AFG3L2: variants seen among roughly 807,000 people sequenced by gnomAD.
The protein encoded by AFG3L2 is AFG3 like matrix AAA peptidase subunit 2.
In AFG3L2, 54 loss-of-function variants were observed where a neutral mutation model predicts 94.5. The observed-to-expected ratio is 0.57, with a 90% confidence interval of 0.46 to 0.72. The LOEUF (loss-of-function observed/expected upper bound fraction) is 0.72, where lower values mean the gene tolerates loss of function less well. Among genes scored for constraint, AFG3L2 ranks in the 30% least tolerant of loss-of-function variants. The pLI is 0.00. For synonymous variants in AFG3L2, 377 were observed against 365.5 expected, an observed-to-expected ratio of 1.03 and a Z score of -0.36; for missense variants, 754 against 994.9, an observed-to-expected ratio of 0.76 and a Z score of 3.26.
rs1907907851 is a variant in AFG3L2, at chr18:12,340,323, G to T, written c.1858C>A (p.Gln620Lys). Residue 620 changes from glutamine (Q) to lysine (K), a missense_variant, in exon 15 of 17, where the codon CAG becomes AAG. Transcript: ENST00000269143. ...PKEQYLYTKE[Q>K]LLDRMCMTLG... The stretch of plus-strand genomic sequence containing the variant: ...GTCATACACATCCTATCCAAGAGCT[G>T]CTCTTTGGTATAGAGGTATTGTTCT... 1 of 1,614,022 alleles carries T rather than the reference G, an allele frequency of 6.2e-7. No homozygotes were observed. The highest frequency in any genetic ancestry group is 8.5e-7 in the Non-Finnish European group (1 of 1,179,900).
intron 1 of AFG3L2, 90 bp from the exon 2 acceptor site, chr18:12,371,781 GTC>G (rs1444161629): frequency 3.8e-6 from 4 of 1,051,068 alleles, no homozygotes; most frequent in Non-Finnish European, 5.7e-6. Context: ...TAGATGAAAG[GTC>G]TCTCTCTTCC....
At position 12,371,685 on chromosome 18, in the gene AFG3L2, G is replaced by A. The variant is rs1324490374; in HGVS notation, c.121C>T (p.Arg41Ter). 25 of 1,613,320 alleles carry A rather than the reference G, an allele frequency of 1.5e-5. No individual in the cohort carries two copies. The Admixed American group carries it at 3.5e-4, about 23-fold the overall frequency. Residue 41 changes from arginine (R) to a stop codon, truncating the protein, a stop_gained, in exon 2 of 17, where the codon CGA becomes TGA. Coordinates refer to ENST00000269143, the MANE Select transcript of AFG3L2 (RefSeq NM_006796.3). LOFTEE classifies it high-confidence loss of function. ...GEQPCLRTLYRFVTTQARASR... is the reference protein window; with the variant it reads ...GEQPCLRTLY ...GCCCTTGCTTGAGTTGTAACAAATCGGTAAAGCTGCAACAAGACATAAAAA... is the reference window on the plus strand; with the variant it reads ...GCCCTTGCTTGAGTTGTAACAAATCAGTAAAGCTGCAACAAGACATAAAAA...
At chr18:12,368,194 A>T (rs949729103) in intron 3 of AFG3L2, among the ~76,000 whole-genome samples, 5 of 151,866 alleles carry the variant, frequency 3.3e-5, no homozygotes, top group African/African-American at 9.7e-5. Context: ...TAAAAAATAA[A>T]AAAATAAAAT....
chr18:12,351,368 C>T lies in AFG3L2; in HGVS notation c.1364G>A (p.Arg455Gln), dbSNP rs1908310130. 6.2e-7 allele frequency: 1 copy of T among 1,614,002 alleles called. No individual in the cohort carries two copies. Among genetic ancestry groups the T allele is most frequent in the Non-Finnish European group, 8.5e-7 (1 of 1,180,000 alleles). ...CAGCGCGGGGTCCAGGATATCTGGT[C>T]GATTGGTGCCGGCCAAAATGACGAC... Reference protein sequence around the residue: ...TNVVILAGTNRPDILDPALLR... With the variant: ...TNVVILAGTNQPDILDPALLR... The change falls in exon 11 of 17, where the codon CGA becomes CAA. Residue 455 changes from arginine to glutamine, a missense_variant. Coordinates refer to ENST00000269143, the MANE Select transcript of AFG3L2 (RefSeq NM_006796.3).
chr18:12,337,380 T>G lies in AFG3L2; in HGVS notation c.2136A>C (p.Thr712=), dbSNP rs761522777. 3.1e-6 allele frequency: 5 copies of G among 1,614,102 alleles called. No individual in the cohort carries two copies. ...RILINDAYKR[T]VALLTEKKAD... ...CTTTCTTTTCTGTGAGAAGAGCTAC[T>G]GTTCTTTTATAAGCATCATTAATAA... Residue 712 remains threonine, a synonymous_variant, in exon 16 of 17, where the codon ACA becomes ACC. Transcript: ENST00000269143.
Position 12,358,646 on chromosome 18 carries a change from A to C in AFG3L2, c.1026+24T>G, listed in dbSNP as rs1188402047. The C allele has an allele frequency of 7.5e-6, 12 of 1,609,106 alleles. No individual in the cohort carries two copies. In the African/African-American group the frequency reaches 1.3e-4, roughly 18 times the overall value. ...TCAGAGATCAAGAAACATTTCAAAA[A>C]GTTAATCTTAAATTTCATTTTACCT... On this transcript the variant is annotated intron_variant, in intron 8 of 16. Coordinates refer to ENST00000269143, the MANE Select transcript of AFG3L2 (RefSeq NM_006796.3).
intron 9 of AFG3L2, among the ~76,000 whole-genome samples, chr18:12,354,301 C>T (rs1056815632): frequency 1.3e-5 from 2 of 152,158 alleles, no homozygotes; most frequent in South Asian, 2.1e-4. Context: ...CTTCATAGTA[C>T]ATCCATCCCA....
Position 12,347,527 on chromosome 18 carries a change from A to G in AFG3L2, c.1663+746T>C, listed in dbSNP as rs928304793. Among the ~76,000 whole-genome samples, 3 of 150,106 alleles carry G rather than the reference A, an allele frequency of 2.0e-5. No homozygotes were observed. The Admixed American group carries it at 2.0e-4, about 10-fold the overall frequency. ...GCACTTCCAGCTCTACGCCTGTTAC[A>G]GTTATTTTATTTTATTTATTATTAT... is the stretch of plus-strand genomic sequence containing the variant. On this transcript the variant is annotated intron_variant, in intron 13 of 16. Transcript: ENST00000269143.
At chr18:12,330,279 T>C (rs966533792) in intron 16 of AFG3L2, among the ~76,000 whole-genome samples, 3 of 151,718 alleles carry the variant, frequency 2.0e-5, no homozygotes, top group Admixed American at 6.6e-5. Flanking sequence ...TGAGCCAAGA[T>C]TGTGCCACTG....
intron 1 of AFG3L2, among the ~76,000 whole-genome samples, chr18:12,374,050 C>T (rs1490808278): frequency 6.6e-6 from 1 of 152,124 alleles, no homozygotes. Context: ...GCACTGTATG[C>T]GCTCCATAAA....
intron 16 of AFG3L2, 89 bp downstream of exon 16, chr18:12,337,252 A>G: frequency 8.7e-7 from 1 of 1,143,932 alleles, no homozygotes; most frequent in Non-Finnish European, 1.3e-6. Context: ...GGAATTCTGC[A>G]GTCTACACAC....
chr18:12,367,297 G>T lies in AFG3L2; in HGVS notation c.378C>A (p.His126Gln), dbSNP rs757859208. 1 of 1,614,206 alleles carries T rather than the reference G, an allele frequency of 6.2e-7. No homozygotes were observed. The highest frequency in any genetic ancestry group is 8.5e-7 in the Non-Finnish European group (1 of 1,180,048). The change falls in exon 4 of 17, where the codon CAC (histidine) becomes CAA (glutamine). Residue 126 changes from histidine (H) to glutamine (Q), a missense_variant. Around this residue, in one of 4 missense-constraint regions of AFG3L2, gnomAD observed 236 missense variants for 214.0 expected, o/e 1.10. Transcript: ENST00000269143. ...GKRGGKKDDSHWWSRFQKGDI... is the reference protein window; with the variant it reads ...GKRGGKKDDSQWWSRFQKGDI... ...AAACCTTCTGAAACCTGGACCACCAGTGAGAATCATCTTTCTTGCCACCTC... is the reference window on the plus strand; with the variant it reads ...AAACCTTCTGAAACCTGGACCACCATTGAGAATCATCTTTCTTGCCACCTC...
At chr18:12,360,072 A>C in intron 6 of AFG3L2, 21 bp from the exon 7 acceptor site, 5 of 1,612,276 alleles carry the variant, frequency 3.1e-6, no homozygotes, top group Non-Finnish European at 4.2e-6. Context: ...AAAAAAACAA[A>C]TATCCTAAGA....
At chr18:12,344,514 A>C (rs1311640253) in intron 13 of AFG3L2, among the ~76,000 whole-genome samples, 1 of 152,070 alleles carries the variant, frequency 6.6e-6, no homozygotes, top group Non-Finnish European at 1.5e-5. Flanking sequence ...GTCTCTACTA[A>C]AAATACAAAA....
rs187000602 is a variant in AFG3L2, at chr18:12,370,455, A to G, written c.292+394T>C. Among the ~76,000 whole-genome samples the G allele has an allele frequency of 6.6e-3, 990 of 149,296 alleles. 30 individuals carry two copies. Among genetic ancestry groups the G allele is most frequent in the Admixed American group, 0.054 (801 of 14,804 alleles). On this transcript the variant is annotated intron_variant, in intron 3 of 16. Coordinates refer to ENST00000269143, the MANE Select transcript of AFG3L2 (RefSeq NM_006796.3). ...CCTACAGCTTCACAACTGACTTACT[A>G]TAACTTTCTTTTTTTTTTTTTTTTC...
chr18:12,340,385 C>A lies in AFG3L2; in HGVS notation c.1796G>T (p.Arg599Leu). The A allele has an allele frequency of 1.2e-6, 2 of 1,613,856 alleles. No individual in the cohort carries two copies. The highest frequency in any genetic ancestry group is 2.7e-5 in the African/African-American group (2 of 75,026). ...CTGAGCATAACCTAGTCCTTTGCCA[C>A]GTGGGATGATGGATACCTGGTAAGT... ...DPLLKVSIIP[R>L]GKGLGYAQYL... Residue 599 changes from arginine (R) to leucine (L), a missense_variant, in exon 15 of 17, where the codon CGT becomes CTT. Transcript: ENST00000269143.
intron 16 of AFG3L2, chr18:12,337,058 G>C (rs921325628): frequency 6.7e-6 from 4 of 598,764 alleles, no homozygotes; most frequent in Non-Finnish European, 1.2e-5. Context: ...TCTGGTGAGG[G>C]AGAGTCCTGA....
At chr18:12,357,944 C>T (rs1908543992) in intron 8 of AFG3L2, among the ~76,000 whole-genome samples, 1 of 152,112 alleles carries the variant, frequency 6.6e-6, no homozygotes, top group East Asian at 1.9e-4. Context: ...AGGTGTAATG[C>T]AAACGGGTAC....
At chr18:12,339,214 C>A (rs1338332343) in intron 15 of AFG3L2, among the ~76,000 whole-genome samples, 2 of 128,208 alleles carry the variant, frequency 1.6e-5, no homozygotes, top group Admixed American at 9.9e-5. Flanking sequence ...GCACTCCAGC[C>A]TGGGCGACCG....
Sources: allele counts gnomAD v4.1 joint callset (sites outside exome capture counted in the v4.1 genomes callset), GRCh38; gene constraint gnomAD v4.1.1; regional missense constraint gnomAD v4.1.1; transcripts MANE v1.5; gene names NCBI Gene and HGNC (gene_info 2026-07-23, HGNC 2026-07-21).